Variants in CEP112 observed in about 807,000 individuals in gnomAD.
CEP112 encodes the protein centrosomal protein 112.
Under a neutral mutation model 153.0 loss-of-function variants are expected in CEP112, and 127 were observed. The observed-to-expected ratio is 0.83, with a 90% CI of 0.72 to 0.96. The LOEUF is 0.96. CEP112 is among the 40% of genes least tolerant of loss of function. CEP112 has a pLI of 0.00. For synonymous variants in CEP112, 358 were observed against 374.4 expected (o/e 0.96, Z 0.51); for missense variants, 1,089 against 1,101.2 (o/e 0.99, Z 0.16).
chr17:65,875,625 T>C (rs1271207530), intron 20 of CEP112, among the ~76,000 whole-genome samples: 2 of 152,206 alleles, frequency 1.3e-5, no homozygotes, highest in Non-Finnish European at 2.9e-5. Context: ...TCTTATTGGT[T>C]ATTTCTATAA....
chr17:65,668,422 C>G (rs924873605), intron 24 of CEP112, among the ~76,000 whole-genome samples: 7 of 152,182 alleles, frequency 4.6e-5, no homozygotes, highest in African/African-American at 7.2e-5. Flanking sequence ...ATCCAAGAGA[C>G]CTTATTACCC....
In CEP112 at chr17:66,155,523, C is replaced by T. The variant is rs183275749; in HGVS notation, c.470+19521G>A. ...TTTTTTTTTTTTCATACCCCAGTGG[C>T]ACCTGGAATGCCAGCGAGACAGAAC... On this transcript the variant is annotated intron_variant, in intron 4 of 26. Coordinates refer to ENST00000535342, the MANE Select transcript of CEP112 (RefSeq NM_001199165.4). 2.0e-3 allele frequency among the ~76,000 whole-genome samples: 307 copies of T among 151,640 alleles called. 1 individual carries two copies. The highest frequency in any genetic ancestry group is 7.0e-3 in the African/African-American group (289 of 41,338).
intron 17 of CEP112, among the ~76,000 whole-genome samples, chr17:65,992,354 A>G (rs966294684): frequency 3.9e-5 from 6 of 152,296 alleles, no homozygotes; most frequent in African/African-American, 1.4e-4. Context: ...AGGGGTAAAT[A>G]ATGTTTTTCC....
intron 23 of CEP112, among the ~76,000 whole-genome samples, chr17:65,723,433 C>A (rs927293240): frequency 2.0e-5 from 3 of 152,270 alleles, no homozygotes; most frequent in Non-Finnish European, 2.9e-5. Flanking sequence ...AAATGATTCA[C>A]TGTATTAAAA....
chr17:65,778,532 C>T lies in CEP112; in HGVS notation c.2395-27808G>A, dbSNP rs2053814427. 3.3e-5 allele frequency among the ~76,000 whole-genome samples: 5 copies of T among 152,000 alleles called. No individual in the cohort carries two copies. In the South Asian group the frequency reaches 1.0e-3, roughly 32 times the overall value. On this transcript the variant is annotated intron_variant, in intron 21 of 26. Transcript: ENST00000535342. ...CTTTCTGAATAGGTTATTAACACAG[C>T]TCGTGGCTTTGGCATCATTGTTCAG... is the stretch of plus-strand genomic sequence containing the variant.
chr17:66,119,594 A>G (rs1228258551), intron 6 of CEP112, among the ~76,000 whole-genome samples: 1 of 152,208 alleles, frequency 6.6e-6, no homozygotes, highest in Non-Finnish European at 1.5e-5. Context: ...TCTATTGTAT[A>G]GATGTACATA....
chr17:65,922,876 C>G (rs1052774826), intron 19 of CEP112, among the ~76,000 whole-genome samples: 5 of 152,010 alleles, frequency 3.3e-5, no homozygotes, highest in African/African-American at 1.2e-4. Context: ...TTTTTATTTA[C>G]ATTTGATTAT....
intron 18 of CEP112, among the ~76,000 whole-genome samples, chr17:65,929,404 T>C (rs959561326): frequency 5.9e-5 from 9 of 152,200 alleles, no homozygotes; most frequent in Non-Finnish European, 1.2e-4. Flanking sequence ...TCTCACCTTG[T>C]GGGCAGGAGG....
At chr17:65,962,283 TA>T (rs2062233485) in intron 17 of CEP112, among the ~76,000 whole-genome samples, 1 of 151,236 alleles carries the variant, frequency 6.6e-6, no homozygotes, top group Non-Finnish European at 1.5e-5. Flanking sequence ...GTTTTTTTTT[TA>T]AAACAATGTA....
chr17:65,718,297 A>G (rs2049663103), intron 23 of CEP112, among the ~76,000 whole-genome samples: 1 of 151,336 alleles, frequency 6.6e-6, no homozygotes, highest in Non-Finnish European at 1.5e-5. Context: ...AATCCCAACT[A>G]CTCAGGAGGC....
In CEP112 at chr17:65,753,866, C is replaced by T. The variant is rs1420124664; in HGVS notation, c.2395-3142G>A. ...CTAGAGTCACGGATAATAGTTAGTG[C>T]AGGAAGGCCTGTGTCTTGGTGTGAG... On this transcript the variant is annotated intron_variant, in intron 21 of 26. Coordinates refer to ENST00000535342, the MANE Select transcript of CEP112 (RefSeq NM_001199165.4). Among the ~76,000 whole-genome samples the T allele has an allele frequency of 3.9e-5, 6 of 152,096 alleles. 1 individual carries two copies. The highest frequency in any genetic ancestry group is 3.9e-4 in the Admixed American group (6 of 15,280).
chr17:66,004,841 A>C (rs2064206771), intron 17 of CEP112, among the ~76,000 whole-genome samples: 1 of 152,216 alleles, frequency 6.6e-6, no homozygotes, highest in South Asian at 2.1e-4. Flanking sequence ...GGAAGCAAGT[A>C]AAATAAAATT....
At chr17:66,090,866 G>A (rs372180584) in intron 8 of CEP112, among the ~76,000 whole-genome samples, 2 of 151,958 alleles carry the variant, frequency 1.3e-5, no homozygotes, top group Non-Finnish European at 2.9e-5. Context: ...TCATGCAAAC[G>A]GAAATGGAAA....
intron 24 of CEP112, among the ~76,000 whole-genome samples, chr17:65,670,679 A>G (rs1022023645): frequency 6.6e-6 from 1 of 152,208 alleles, no homozygotes; most frequent in African/African-American, 2.4e-5. Context: ...ATATGCTACA[A>G]TCAGTTTTTC....
At chr17:65,966,352 C>T (rs1345546401) in intron 17 of CEP112, among the ~76,000 whole-genome samples, 1 of 152,172 alleles carries the variant, frequency 6.6e-6, no homozygotes, top group Non-Finnish European at 1.5e-5. Context: ...TACAAGCTAA[C>T]ATGTATATGT....
Position 65,903,654 on chromosome 17 carries a change from C to T in CEP112, c.1981-1320G>A, listed in dbSNP as rs183718297. Among the ~76,000 whole-genome samples the T allele has an allele frequency of 4.5e-3, 692 of 152,168 alleles. 6 individuals are homozygous for T. The highest frequency in any genetic ancestry group is 0.016 in the African/African-American group (654 of 41,520). ...CTGATACCAAAACCTGGCAGAGACA[C>T]GACAAGAAAAGAAAATTTCAGGCCA... On this transcript the variant is annotated intron_variant, in intron 19 of 26. Coordinates refer to ENST00000535342, the MANE Select transcript of CEP112 (RefSeq NM_001199165.4).
intron 20 of CEP112, among the ~76,000 whole-genome samples, chr17:65,882,651 T>C (rs2059125490): frequency 1.3e-5 from 2 of 152,204 alleles, no homozygotes; most frequent in Non-Finnish European, 2.9e-5. Flanking sequence ...ACAGACAACA[T>C]ATAGTCCCTC....
At chr17:65,952,348 C>A (rs7225773) in intron 18 of CEP112, among the ~76,000 whole-genome samples, 10,009 of 152,012 alleles carry the variant, frequency 0.066, 494 homozygotes, top group African/African-American at 0.12. Flanking sequence ...GGAATTCTAA[C>A]AGGACTCAGA....
chr17:65,997,797 C>CA (rs945660837), intron 17 of CEP112, among the ~76,000 whole-genome samples: 3 of 141,252 alleles, frequency 2.1e-5, no homozygotes, highest in African/African-American at 7.7e-5. Context: ...ACATCCCCCC[C>CA]CCCACACACA....
Sources: gnomAD v4.1 joint callset for allele counts (sites outside exome capture counted in the v4.1 genomes callset) on GRCh38, gnomAD v4.1.1 for gene constraint, MANE v1.5 for transcripts, NCBI Gene and HGNC (gene_info 2026-07-23, HGNC 2026-07-21) for gene names.